The following CCT2 variants were observed in gnomAD, a reference collection of about 807,000 sequenced individuals.
CCT2 encodes chaperonin containing TCP1 subunit 2.
In CCT2, 18 loss-of-function variants were observed where a neutral mutation model predicts 61.8. The observed-to-expected ratio is 0.29, with a 90% CI of 0.20 to 0.43. CCT2 has a LOEUF of 0.43. Ranked by LOEUF, CCT2 falls within the 20% of genes least tolerant of loss-of-function variation. The pLI is 1.00. For synonymous variants in CCT2, 248 were observed against 215.9 expected, an observed-to-expected ratio of 1.15 and a Z score of -1.30; for missense variants, 556 against 656.9, an observed-to-expected ratio of 0.85 and a Z score of 1.68.
intron 1 of CCT2, 92 bp from the exon 2 acceptor site, chr12:69,586,178 G>T: frequency 1.7e-6 from 2 of 1,155,492 alleles, no homozygotes; most frequent in Non-Finnish European, 2.6e-6. Flanking sequence ...TTTTCTCTTA[G>T]ATGTCCACTT....
At position 69,588,232 on chromosome 12, in the gene CCT2, A is replaced by C; in HGVS notation, c.416A>C (p.Glu139Ala). Residue 139 changes from glutamate (E) to alanine (A), a missense_variant, in exon 6 of 16, where the codon GAG becomes GCG. By Grantham distance (107) the Glu-to-Ala change is moderately radical. Around this residue, in one of 3 missense-constraint regions of CCT2, gnomAD observed 308 missense variants for 350.6 expected, o/e 0.88. Coordinates refer to ENST00000299300, the MANE Select transcript of CCT2 (RefSeq NM_006431.3). ...GWREATKAAR[E>A]ALLSSAVDHG... ...AGAGAAGCCACGAAGGCTGCAAGAG[A>C]GGCGCTGTTGAGTTCTGCAGTTGAT... is the stretch of plus-strand genomic sequence containing the variant. 1 of 1,614,014 alleles carries C rather than the reference A, an allele frequency of 6.2e-7. No homozygotes were observed. Among genetic ancestry groups the C allele is most frequent in the Non-Finnish European group, 8.5e-7 (1 of 1,179,858 alleles).
rs1305253792 is a variant in CCT2 at position 69,593,006 on chromosome 12, A to C, written c.781A>C (p.Thr261Pro). 6.2e-7 allele frequency: 1 copy of C among 1,613,748 alleles called. No individual in the cohort carries two copies. The highest frequency in any genetic ancestry group is 8.5e-7 in the Non-Finnish European group (1 of 1,179,644). Reference sequence around the variant, plus strand: ...TGGTTCCCGGGTAAGAGTTGACTCTACAGCAAAGGTTGCAGAAATAGAACA... The same window carrying C: ...TGGTTCCCGGGTAAGAGTTGACTCTCCAGCAAAGGTTGCAGAAATAGAACA... ...IFGSRVRVDS[T>P]AKVAEIEHAE... is the part of the protein sequence containing the mutation. The change falls in exon 9 of 16, where the codon ACA becomes CCA. Residue 261 changes from threonine (T) to proline (P), a missense_variant. Around this residue, in one of 3 missense-constraint regions of CCT2, gnomAD observed 308 missense variants for 350.6 expected, o/e 0.88. Transcript: ENST00000299300.
At chr12:69,597,494 C>A in intron 11 of CCT2, 144 bp from the exon 12 acceptor site, 1 of 1,037,864 alleles carries the variant, frequency 9.6e-7, no homozygotes. Flanking sequence ...TAACTTAGAA[C>A]CATTATGAGC....
intron 7 of CCT2, among the ~76,000 whole-genome samples, chr12:69,591,209 A>G (rs1881825550): frequency 6.6e-6 from 1 of 152,202 alleles, no homozygotes; most frequent in Non-Finnish European, 1.5e-5. Flanking sequence ...AAAACCCAAG[A>G]TAATGGTGGC....
At chr12:69,598,664 T>G (rs1229388791) in intron 14 of CCT2, among the ~76,000 whole-genome samples, 1 of 152,230 alleles carries the variant, frequency 6.6e-6, no homozygotes, top group African/African-American at 2.4e-5. Context: ...ATTTGGTATA[T>G]AACGACTATA....
rs368910864 is a variant in CCT2 at position 69,585,515 on chromosome 12, C to T, written c.-7C>T. ...GGATTCACTTGTGTGCGGAACTCCT[C>T]GGAACCATGGTGAGCCTGACTCCCC... On this transcript the variant is annotated 5_prime_UTR_variant, in exon 1 of 16. Transcript: ENST00000299300. 2.2e-5 allele frequency: 34 copies of T among 1,568,320 alleles called. No individual in the cohort carries two copies. The African/African-American group carries it at 4.1e-4, about 19-fold the overall frequency.
rs780624649 is a variant in CCT2 at position 69,587,554 on chromosome 12, A to G, written c.194A>G (p.Asn65Ser). Reference protein sequence around the residue: ...SGRDASLMVTNDGATILKNIG... With the variant: ...SGRDASLMVTSDGATILKNIG... ...CGAGATGCCTCTCTTATGGTAACCA[A>G]TGATGGTGCCACTATTCTAAAAAAC... The change falls in exon 4 of 16, where the codon AAT becomes AGT. Residue 65 changes from asparagine to serine, a missense_variant. By Grantham distance (46) the Asn-to-Ser change is conservative (BLOSUM62 1). Coordinates refer to ENST00000299300, the MANE Select transcript of CCT2 (RefSeq NM_006431.3). 45 of 1,613,814 alleles carry G rather than the reference A, an allele frequency of 2.8e-5. No homozygotes were observed. Among genetic ancestry groups the G allele is most frequent in the East Asian group, 4.5e-5 (2 of 44,880 alleles).
intron 14 of CCT2, among the ~76,000 whole-genome samples, chr12:69,598,887 T>TATCTACCTTA (rs202110443): frequency 0.01 from 1,553 of 152,326 alleles, 31 homozygotes; most frequent in African/African-American, 0.035. Flanking sequence ...CTGGACATTA[T>TATCTACCTTA]AGAGTAGTCT....
chr12:69,585,995 G>A, intron 1 of CCT2: 7 of 1,333,314 alleles, frequency 5.3e-6, no homozygotes, highest in Non-Finnish European at 6.7e-6. Flanking sequence ...GTTCAAGATC[G>A]TCTTTAGTCT....
intron 3 of CCT2, chr12:69,587,070 T>G: frequency 2.5e-6 from 1 of 397,076 alleles, no homozygotes; most frequent in Non-Finnish European, 4.4e-6. Flanking sequence ...GTATGTGTAC[T>G]TCATTATGTA....
rs753634276 is a variant in CCT2 at position 69,589,470 on chromosome 12, G to A, written c.447-15G>A. On this transcript the variant is annotated splice_polypyrimidine_tract_variant and intron_variant, in intron 6 of 15. Transcript: ENST00000299300. Reference sequence around the variant, plus strand: ...AAAGTAGGGTTAATATGTATATTTGGTTGGTTTTATTTAGTTCCGATGAAG... The same window carrying A: ...AAAGTAGGGTTAATATGTATATTTGATTGGTTTTATTTAGTTCCGATGAAG... The A allele has an allele frequency of 8.1e-6, 13 of 1,602,616 alleles. No homozygotes were observed. The highest frequency in any genetic ancestry group is 2.2e-5 in the South Asian group (2 of 90,736).
chr12:69,599,769 T>A, intron 14 of CCT2, 94 bp from the exon 15 acceptor site: 2 of 1,059,762 alleles, frequency 1.9e-6, no homozygotes, highest in Non-Finnish European at 2.7e-6. Context: ...GTGTCCTAAT[T>A]TTATTAATAG....
chr12:69,588,327 G>T, intron 6 of CCT2, 65 bp downstream of exon 6: 1 of 1,147,782 alleles, frequency 8.7e-7, no homozygotes. Context: ...CTTAATGCAA[G>T]AAATCTATAG....
In CCT2 at chr12:69,598,030, G is replaced by A; in HGVS notation, c.1294G>A (p.Glu432Lys). The A allele has an allele frequency of 6.2e-7, 1 of 1,613,984 alleles. No homozygotes were observed. Among genetic ancestry groups the A allele is most frequent in the Non-Finnish European group, 8.5e-7 (1 of 1,179,872 alleles). Residue 432 changes from glutamate (E) to lysine (K), a missense_variant, in exon 13 of 16, where the codon GAA (glutamate) becomes AAA (lysine). Glu to Lys is a moderately conservative substitution (Grantham distance 56, BLOSUM62 1). Around this residue, in one of 3 missense-constraint regions of CCT2, gnomAD observed 225 missense variants for 249.8 expected, o/e 0.90. Coordinates refer to ENST00000299300, the MANE Select transcript of CCT2 (RefSeq NM_006431.3). ...GCTTGCCAATAGAACACCAGGCAAA[G>A]AAGCTGTTGCAATGGAGTCTTATGC... Reference protein sequence around the residue: ...TQLANRTPGKEAVAMESYAKA... With the variant: ...TQLANRTPGKKAVAMESYAKA...
At chr12:69,600,841 C>T (rs993248953) in intron 15 of CCT2, among the ~76,000 whole-genome samples, 1 of 152,174 alleles carries the variant, frequency 6.6e-6, no homozygotes, top group Non-Finnish European at 1.5e-5. Context: ...TACTAGTACC[C>T]TTATCCCATC....
chr12:69,598,214 T>C, intron 13 of CCT2, 108 bp from the exon 14 acceptor site: 2 of 1,023,850 alleles, frequency 2.0e-6, no homozygotes, highest in Non-Finnish European at 2.9e-6. Context: ...CTGAAGCAGA[T>C]TTTACATTGT....
chr12:69,599,563 A>AT (rs1401737261), intron 14 of CCT2, among the ~76,000 whole-genome samples: 3 of 150,716 alleles, frequency 2.0e-5, no homozygotes, highest in Admixed American at 1.3e-4. Context: ...AATTTTTTAT[A>AT]TTTTTAGTAG....
At chr12:69,585,688 G>C (rs1715412756) in intron 1 of CCT2, 164 bp downstream of exon 1, 1 of 1,507,512 alleles carries the variant, frequency 6.6e-7, no homozygotes, top group Admixed American at 2.1e-5. Context: ...CGCCAGGCCA[G>C]CCGGTGGAGC....
At chr12:69,597,431 A>G (rs960118130) in intron 11 of CCT2, among the ~76,000 whole-genome samples, 156 bp downstream of exon 11, 2 of 152,164 alleles carry the variant, frequency 1.3e-5, no homozygotes, top group Non-Finnish European at 2.9e-5. Context: ...AGTCAACCTC[A>G]TATTTACCGT....
Sources: allele counts gnomAD v4.1 joint callset (sites outside exome capture counted in the v4.1 genomes callset), GRCh38; gene constraint gnomAD v4.1.1; regional missense constraint gnomAD v4.1.1; transcripts MANE v1.5; gene names NCBI Gene and HGNC (gene_info 2026-07-23, HGNC 2026-07-21).